The following ATF6 variants were observed in gnomAD, a reference collection of about 807,000 sequenced individuals.
ATF6 encodes cyclic AMP-dependent transcription factor ATF-6 alpha.
A neutral mutation model predicts 83.6 loss-of-function variants in ATF6; 53 were observed. That is an observed-to-expected ratio of 0.63 (90% CI 0.51 to 0.80). The LOEUF is 0.80. Among genes scored for constraint, ATF6 ranks in the 30% least tolerant of loss-of-function variants. ATF6 has a pLI of 0.00. For synonymous variants in ATF6, 288 were observed against 285.8 expected (o/e 1.01, Z -0.08); for missense variants, 744 against 797.9 (o/e 0.93, Z 0.81).
chr1:161,821,719 G>A (rs1005005994), intron 9 of ATF6, among the ~76,000 whole-genome samples: 3 of 152,176 alleles, frequency 2.0e-5, no homozygotes, highest in Non-Finnish European at 4.4e-5. Flanking sequence ...TGTACAATGA[G>A]GCATCCCTAG....
chr1:161,847,801 A>G (rs16853714), intron 10 of ATF6, among the ~76,000 whole-genome samples: 21,537 of 152,120 alleles, frequency 0.14, 2,089 homozygotes, highest in East Asian at 0.32. Context: ...GAGTTGAGAT[A>G]GCGTCTTGCT....
intron 14 of ATF6, among the ~76,000 whole-genome samples, chr1:161,881,009 T>C (rs545139395): frequency 2.6e-4 from 39 of 152,174 alleles, no homozygotes; most frequent in Admixed American, 4.6e-4. Context: ...ATATTAATTT[T>C]GACCAACTTT....
intron 15 of ATF6, among the ~76,000 whole-genome samples, chr1:161,941,726 A>G (rs893796082): frequency 2.6e-5 from 4 of 152,224 alleles, no homozygotes; most frequent in Non-Finnish European, 2.9e-5. Context: ...ATGTTATAAG[A>G]AGCAGATTAG....
At chr1:161,811,174 G>A (rs1037113123) in intron 7 of ATF6, among the ~76,000 whole-genome samples, 22 of 152,096 alleles carry the variant, frequency 1.4e-4, no homozygotes, top group African/African-American at 2.4e-4. Flanking sequence ...CAATATATAC[G>A]AATAGATAAT....
chr1:161,836,663 G>T (rs1375397291), intron 9 of ATF6, among the ~76,000 whole-genome samples: 2 of 152,174 alleles, frequency 1.3e-5, no homozygotes, highest in Non-Finnish European at 2.9e-5. Flanking sequence ...ATCAAGTGCA[G>T]AGCTGGGTTT....
intron 1 of ATF6, among the ~76,000 whole-genome samples, chr1:161,768,124 G>C (rs543669642): frequency 6.6e-6 from 1 of 152,300 alleles, no homozygotes; most frequent in South Asian, 2.1e-4. Flanking sequence ...CAAAGTGCTG[G>C]GATTACGGGT....
At position 161,959,251 on chromosome 1, in the gene ATF6, T is replaced by C. The variant is rs1689030785; in HGVS notation, c.*597T>C. 6.6e-6 allele frequency: 1 copy of C among 152,246 alleles called. No individual in the cohort carries two copies. Among genetic ancestry groups the C allele is most frequent in the Non-Finnish European group, 1.5e-5 (1 of 68,066 alleles). 9.4% of individuals were successfully genotyped at this position (152,246 alleles called of 1,614,324 possible). On this transcript the variant is annotated 3_prime_UTR_variant, in exon 16 of 16. Coordinates refer to ENST00000367942, the MANE Select transcript of ATF6 (RefSeq NM_007348.4). ...GGAAAAACTCCCAGTTGGTAAAGTT[T>C]ATCTTTACTTAGGATTTGTGGCTCA... is the stretch of plus-strand genomic sequence containing the variant.
rs190734944 is a variant in ATF6, at chr1:161,808,331, C to G, written c.909+6059C>G. On this transcript the variant is annotated intron_variant, in intron 7 of 15. Transcript: ENST00000367942. The stretch of plus-strand genomic sequence containing the variant: ...TCTAGGGAGACAGTCCTTTTATACC[C>G]CAGAGACTTTCTTGCAAATCAGTTT... 2.6e-5 allele frequency among the ~76,000 whole-genome samples: 4 copies of G among 152,252 alleles called. No homozygotes were observed. In the East Asian group the frequency reaches 7.7e-4, roughly 29 times the overall value.
chr1:161,916,441 A>G (rs1443275208), intron 15 of ATF6, among the ~76,000 whole-genome samples: 2 of 152,198 alleles, frequency 1.3e-5, no homozygotes, highest in Non-Finnish European at 2.9e-5. Flanking sequence ...TGCAGATAAC[A>G]TGGTGCTTTA....
Position 161,863,357 on chromosome 1 carries a change from G to A in ATF6, c.1719+45G>A, listed in dbSNP as rs780115877. ...ATAGAGCAAATATTTTTGAGTGCTTGCCGTACACAAGACATTGGGCTGAAT... is the reference window on the plus strand; with the variant it reads ...ATAGAGCAAATATTTTTGAGTGCTTACCGTACACAAGACATTGGGCTGAAT... On this transcript the variant is annotated intron_variant, in intron 14 of 15. Transcript: ENST00000367942. 29 of 1,260,878 alleles carry A rather than the reference G, an allele frequency of 2.3e-5. No individual in the cohort carries two copies. In the Admixed American group the frequency reaches 4.7e-4, roughly 21 times the overall value. 78.1% of individuals were successfully genotyped at this position (1,260,878 alleles called of 1,614,324 possible).
intron 2 of ATF6, among the ~76,000 whole-genome samples, chr1:161,780,906 G>C (rs538600876): frequency 5.3e-5 from 8 of 152,118 alleles, no homozygotes; most frequent in African/African-American, 1.7e-4. Flanking sequence ...AGGTAGAGAT[G>C]GGTTTTGCCA....
chr1:161,956,350 T>C (rs1011392871), intron 15 of ATF6, among the ~76,000 whole-genome samples: 2 of 152,202 alleles, frequency 1.3e-5, no homozygotes, highest in African/African-American at 4.8e-5. Context: ...AGAGGGACTA[T>C]GGTTCCAAAA....
In ATF6 at chr1:161,947,414, C is replaced by T. The variant is rs912653420; in HGVS notation, c.1805-11032C>T. Among the ~76,000 whole-genome samples the T allele has an allele frequency of 2.0e-5, 3 of 152,130 alleles. No homozygotes were observed. The East Asian group carries it at 5.8e-4, about 29-fold the overall frequency. On this transcript the variant is annotated intron_variant, in intron 15 of 15. Coordinates refer to ENST00000367942, the MANE Select transcript of ATF6 (RefSeq NM_007348.4). ...TGGAGGATTTTTGTTAAACTTTAGCCGGATTCTTGCTCAAACTGGATTCTG... is the reference window on the plus strand; with the variant it reads ...TGGAGGATTTTTGTTAAACTTTAGCTGGATTCTTGCTCAAACTGGATTCTG...
intron 3 of ATF6, among the ~76,000 whole-genome samples, chr1:161,783,132 A>G (rs1684674095): frequency 6.6e-6 from 1 of 152,198 alleles, no homozygotes; most frequent in Non-Finnish European, 1.5e-5. Flanking sequence ...CAGGGTAGTC[A>G]GACTTCAAAG....
At chr1:161,826,920 T>G (rs1489250484) in intron 9 of ATF6, among the ~76,000 whole-genome samples, 1 of 143,426 alleles carries the variant, frequency 7.0e-6, no homozygotes, top group African/African-American at 2.6e-5. Flanking sequence ...AAGAATTTTT[T>G]GATTGGCCCC....
intron 4 of ATF6, among the ~76,000 whole-genome samples, chr1:161,791,018 TATACTG>T (rs1684862420): frequency 6.6e-6 from 1 of 152,028 alleles, no homozygotes; most frequent in Non-Finnish European, 1.5e-5. Flanking sequence ...ACTGCAACCT[TATACTG>T]ATACTGAATG....
At chr1:161,894,513 T>G (rs1687628777) in intron 14 of ATF6, among the ~76,000 whole-genome samples, 1 of 143,804 alleles carries the variant, frequency 7.0e-6, no homozygotes, top group African/African-American at 2.6e-5. Flanking sequence ...CAACATTTGT[T>G]TTGTAGTCTT....
chr1:161,825,340 C>A (rs1685867027), intron 9 of ATF6, among the ~76,000 whole-genome samples: 1 of 152,134 alleles, frequency 6.6e-6, no homozygotes, highest in African/African-American at 2.4e-5. Flanking sequence ...TTATATCTGG[C>A]CAATTTAAGT....
chr1:161,809,112 G>A (rs1173738110), intron 7 of ATF6, among the ~76,000 whole-genome samples: 1 of 152,164 alleles, frequency 6.6e-6, no homozygotes, highest in Non-Finnish European at 1.5e-5. Context: ...TGTTACATAT[G>A]TATATATGTG....
Sources: gnomAD v4.1 joint callset for allele counts (sites outside exome capture counted in the v4.1 genomes callset) on GRCh38, gnomAD v4.1.1 for gene constraint, MANE v1.5 for transcripts, NCBI Gene and HGNC (gene_info 2026-07-23, HGNC 2026-07-21) for gene names.